The following CAMK4 variants were observed in gnomAD, a reference collection of about 807,000 sequenced individuals.
CAMK4 encodes calcium/calmodulin dependent protein kinase IV, also known as calcium/calmodulin-dependent protein kinase type IV.
CAMK4 carries 22 observed loss-of-function variants against 44.9 expected under a neutral mutation model. That is an observed-to-expected ratio of 0.49 (90% CI 0.35 to 0.70). CAMK4 has a LOEUF of 0.70. CAMK4 is among the 30% of genes least tolerant of loss of function. The probability of loss-of-function intolerance (pLI) is 0.01; values close to 1 mark genes in which losing one functional copy is unlikely to be tolerated. For synonymous variants in CAMK4, 218 were observed against 215.4 expected (o/e 1.01, Z -0.11); for missense variants, 498 against 586.8 (o/e 0.85, Z 1.56).
rs1009074489 is a variant in CAMK4, at chr5:111,308,250, T to TAAAAA, written c.162-35771_162-35767dup. ...ATGTACCCTAAAACTTAGAGTATAA[T>TAAAAA]AAAAAAATAAAATAAAATAAATGTA... On this transcript the variant is annotated intron_variant, in intron 1 of 10. Transcript: ENST00000282356. Among the ~76,000 whole-genome samples the TAAAAA allele has an allele frequency of 2.7e-3, 386 of 141,342 alleles. 4 individuals carry two copies. The highest frequency in any genetic ancestry group is 9.8e-3 in the African/African-American group (358 of 36,440). The allele number at this position is 141,342 out of a possible 152,430, so 92.7% of individuals were successfully genotyped here. A position where few individuals can be genotyped will look rare whatever the true frequency, so the allele number is the denominator to read the frequency against.
chr5:111,353,142 A>C (rs1322715019), intron 2 of CAMK4, among the ~76,000 whole-genome samples: 1 of 152,132 alleles, frequency 6.6e-6, no homozygotes. Flanking sequence ...AAATGGTAAT[A>C]ACTACAATAT....
intron 8 of CAMK4, among the ~76,000 whole-genome samples, chr5:111,476,756 T>G (rs957448984): frequency 3.3e-5 from 5 of 152,180 alleles, no homozygotes; most frequent in Non-Finnish European, 7.3e-5. Context: ...GCTGCAGGAC[T>G]GGGCCTTATG....
intron 5 of CAMK4, among the ~76,000 whole-genome samples, chr5:111,436,908 A>G: frequency 6.6e-6 from 1 of 152,352 alleles, no homozygotes; most frequent in African/African-American, 2.4e-5. Context: ...ACTTCAAAGC[A>G]TGTGAAGAAA....
chr5:111,320,677 T>C (rs951413668), intron 1 of CAMK4, among the ~76,000 whole-genome samples: 5 of 152,172 alleles, frequency 3.3e-5, no homozygotes, highest in Admixed American at 1.3e-4. Flanking sequence ...CAACTAATTT[T>C]GTATTTTTAG....
intron 5 of CAMK4, among the ~76,000 whole-genome samples, chr5:111,405,443 G>A (rs1752386895): frequency 6.6e-6 from 1 of 152,080 alleles, no homozygotes; most frequent in African/African-American, 2.4e-5. Context: ...ACTCCAGTAT[G>A]GCAACAGAGC....
rs180932650 is a variant in CAMK4 at position 111,260,867 on chromosome 5, T to C, written c.161+36223T>C. 3.9e-4 allele frequency among the ~76,000 whole-genome samples: 60 copies of C among 152,306 alleles called. No homozygotes were observed. In the East Asian group the frequency reaches 0.011, roughly 27 times the overall value. ...CCTAATATGTGTCCTGGTCCCTAAT[T>C]TCATCTCCTTAACATTCATCCTCCT... On this transcript the variant is annotated intron_variant, in intron 1 of 10. Coordinates refer to ENST00000282356, the MANE Select transcript of CAMK4 (RefSeq NM_001744.6).
intron 5 of CAMK4, among the ~76,000 whole-genome samples, chr5:111,405,667 A>T (rs1397497104): frequency 6.6e-6 from 1 of 152,120 alleles, no homozygotes; most frequent in Non-Finnish European, 1.5e-5. Flanking sequence ...AGACAGGGAG[A>T]CTGGCCTGGA....
Position 111,359,624 on chromosome 5 carries a change from T to A in CAMK4, c.241-15226T>A, listed in dbSNP as rs1447971115. On this transcript the variant is annotated intron_variant, in intron 2 of 10. Transcript: ENST00000282356. ...GTCAATTTTTTGCTTTTGTTGCAGT[T>A]GCTTTTGGCATCTTCATCATGAATT... 2.6e-5 allele frequency among the ~76,000 whole-genome samples: 4 copies of A among 152,292 alleles called. No homozygotes were observed. The East Asian group carries it at 7.7e-4, about 29-fold the overall frequency.
chr5:111,268,167 G>A (rs1385044729), intron 1 of CAMK4, among the ~76,000 whole-genome samples: 1 of 152,142 alleles, frequency 6.6e-6, no homozygotes. Flanking sequence ...AGATCCATTG[G>A]GGATGAGCGA....
intron 1 of CAMK4, among the ~76,000 whole-genome samples, chr5:111,255,790 G>T (rs1749714666): frequency 6.6e-6 from 1 of 152,142 alleles, no homozygotes; most frequent in South Asian, 2.1e-4. Flanking sequence ...CTCTGATGAT[G>T]TTCTAATTAA....
intron 2 of CAMK4, among the ~76,000 whole-genome samples, chr5:111,355,810 T>C (rs1400100458): frequency 8.0e-5 from 12 of 150,088 alleles, no homozygotes; most frequent in Non-Finnish European, 1.5e-4. Context: ...ATTTCATCCA[T>C]GTCCCTACAA....
chr5:111,460,449 T>A (rs1178399355), intron 7 of CAMK4, among the ~76,000 whole-genome samples: 1 of 151,880 alleles, frequency 6.6e-6, no homozygotes, highest in African/African-American at 2.4e-5. Flanking sequence ...TTTTTTGTAT[T>A]TTAGTAGAGA....
chr5:111,438,087 G>A (rs1753706558), intron 5 of CAMK4, among the ~76,000 whole-genome samples: 1 of 152,202 alleles, frequency 6.6e-6, no homozygotes, highest in Non-Finnish European at 1.5e-5. Flanking sequence ...GATGGCGAGG[G>A]AGAGAAAGTC....
chr5:111,276,196 ATTAC>A (rs1363319882), intron 1 of CAMK4, among the ~76,000 whole-genome samples: 2 of 152,030 alleles, frequency 1.3e-5, no homozygotes, highest in Non-Finnish European at 2.9e-5. Flanking sequence ...AACTACTATT[ATTAC>A]TTATGTGTTT....
At chr5:111,438,014 C>G (rs1007284802) in intron 5 of CAMK4, among the ~76,000 whole-genome samples, 1 of 152,148 alleles carries the variant, frequency 6.6e-6, no homozygotes, top group Non-Finnish European at 1.5e-5. Flanking sequence ...ATGAAAGAGA[C>G]AGGGCCATTC....
In CAMK4 at chr5:111,348,302, C is replaced by T. The variant is rs192802375; in HGVS notation, c.240+4200C>T. 1.3e-3 allele frequency among the ~76,000 whole-genome samples: 195 copies of T among 152,064 alleles called. 1 individual carries two copies. Among genetic ancestry groups the T allele is most frequent in the African/African-American group, 4.3e-3 (178 of 41,534 alleles). On this transcript the variant is annotated intron_variant, in intron 2 of 10. Coordinates refer to ENST00000282356, the MANE Select transcript of CAMK4 (RefSeq NM_001744.6). The stretch of plus-strand genomic sequence containing the variant: ...ATATCTGGGTTTTAGTAGATGAATG[C>T]GCTGACTTATCCATAGGAATACAGG...
At position 111,484,193 on chromosome 5, in the gene CAMK4, C is replaced by T. The variant is rs763973974; in HGVS notation, c.1149C>T (p.Ala383=). 47 of 1,613,934 alleles carry T rather than the reference C, an allele frequency of 2.9e-5. No individual in the cohort carries two copies. In the South Asian group the frequency reaches 5.1e-4, roughly 17 times the overall value. Residue 383 remains alanine, a synonymous_variant, in exon 11 of 11, where the codon GCC becomes GCT. Coordinates refer to ENST00000282356, the MANE Select transcript of CAMK4 (RefSeq NM_001744.6). The surrounding 1 kb of genome is among the most constrained non-coding windows in gnomAD (Gnocchi z 5.3). ...PEGEKIQGDG[A]QAAVKGAQAE... is the part of the protein sequence containing the mutation. ...GAGAGAAAATTCAAGGCGATGGGGC[C>T]CAAGCCGCAGTTAAGGGGGCACAGG...
At chr5:111,421,857 T>C (rs1366352860) in intron 5 of CAMK4, among the ~76,000 whole-genome samples, 1 of 152,178 alleles carries the variant, frequency 6.6e-6, no homozygotes, top group Non-Finnish European at 1.5e-5. Context: ...GTCAAGTTTT[T>C]CCCATGCTGT....
rs72780339 is a variant in CAMK4 at position 111,276,151 on chromosome 5, C to T, written c.161+51507C>T. On this transcript the variant is annotated intron_variant, in intron 1 of 10. Transcript: ENST00000282356. ...TTCAGTTATAATTTACTGAAGCATT[C>T]CCTCCAGTCTGCTGTATCTATTCTC... 4.1e-3 allele frequency among the ~76,000 whole-genome samples: 617 copies of T among 152,278 alleles called. 1 individual carries two copies. Among genetic ancestry groups the T allele is most frequent in the Non-Finnish European group, 7.0e-3 (479 of 68,004 alleles).
Sources: gnomAD v4.1 joint callset for allele counts (sites outside exome capture counted in the v4.1 genomes callset) on GRCh38, gnomAD v4.1.1 for gene constraint, Gnocchi (gnomAD v3.1) non-coding constraint, MANE v1.5 for transcripts, NCBI Gene and HGNC (gene_info 2026-07-23, HGNC 2026-07-21) for gene names.